The following MGMT variants were observed in gnomAD, a reference collection of about 807,000 sequenced individuals.
MGMT encodes the protein methylated-DNA--protein-cysteine methyltransferase.
MGMT carries 14 observed loss-of-function variants against 15.9 expected under a neutral mutation model. The observed-to-expected ratio is 0.88, with a 90% confidence interval of 0.58 to 1.37. The LOEUF is 1.37. Ranked by LOEUF, MGMT falls within the 40% of genes most tolerant of loss-of-function variation. The pLI, the probability that MGMT is intolerant of heterozygous loss-of-function variation, is 0.00. For missense variants in MGMT, 282 were observed against 268.1 expected, an observed-to-expected ratio of 1.05 and a Z score of -0.36; for synonymous variants, 130 against 118.2, an observed-to-expected ratio of 1.10 and a Z score of -0.65.
At chr10:129,563,066 C>T (rs1302529423) in intron 2 of MGMT, among the ~76,000 whole-genome samples, 1 of 152,166 alleles carries the variant, frequency 6.6e-6, no homozygotes, top group Non-Finnish European at 1.5e-5. Flanking sequence ...ACTGATGCTG[C>T]CCAACTGTAG....
intron 2 of MGMT, among the ~76,000 whole-genome samples, chr10:129,682,050 C>T (rs1847858864): frequency 6.6e-6 from 1 of 152,086 alleles, no homozygotes; most frequent in African/African-American, 2.4e-5. Context: ...ACGCAGAGAC[C>T]ACACACTCCT....
chr10:129,541,809 G>A (rs1027805222), intron 2 of MGMT, among the ~76,000 whole-genome samples: 1 of 152,176 alleles, frequency 6.6e-6, no homozygotes, highest in Non-Finnish European at 1.5e-5. Context: ...GTCTTCTACT[G>A]CAGAGGCTCT....
chr10:129,759,357 G>T lies in MGMT; in HGVS notation c.414+16G>T. ...AGGCAATCCTGTGAGTTCTCATGGC[G>T]CAAGCATGGCTGTGGGTGGCGGGTG... On this transcript the variant is annotated intron_variant, in intron 4 of 4. Coordinates refer to ENST00000651593, the MANE Select transcript of MGMT (RefSeq NM_002412.5). 1 of 1,613,998 alleles carries T rather than the reference G, an allele frequency of 6.2e-7. No individual in the cohort carries two copies. The highest frequency in any genetic ancestry group is 1.1e-5 in the South Asian group (1 of 91,064).
intron 3 of MGMT, among the ~76,000 whole-genome samples, chr10:129,709,593 C>T (rs566847445): frequency 1.3e-5 from 2 of 152,192 alleles, no homozygotes; most frequent in South Asian, 4.1e-4. Flanking sequence ...GGTCTCAGGA[C>T]AGAAAAGTTC....
intron 2 of MGMT, among the ~76,000 whole-genome samples, chr10:129,704,534 C>T (rs1453005388): frequency 6.6e-6 from 1 of 152,086 alleles, no homozygotes; most frequent in Non-Finnish European, 1.5e-5. Flanking sequence ...TCTGTCTGGC[C>T]GCAGTGTCCA....
Position 129,521,149 on chromosome 10 carries a change from T to C in MGMT, c.-12-15092T>C, listed in dbSNP as rs561967758. 5.9e-5 allele frequency among the ~76,000 whole-genome samples: 9 copies of C among 152,288 alleles called. No individual in the cohort carries two copies. The East Asian group carries it at 1.7e-3, about 29-fold the overall frequency. On this transcript the variant is annotated intron_variant, in intron 1 of 4. Transcript: ENST00000651593. Reference sequence around the variant, plus strand: ...CTCAGGTGGGGATGGAGAGCTGGTGTCTGGGCCTCTCAGAGCTCAGGCCCC... The same window carrying C: ...CTCAGGTGGGGATGGAGAGCTGGTGCCTGGGCCTCTCAGAGCTCAGGCCCC...
intron 2 of MGMT, among the ~76,000 whole-genome samples, chr10:129,629,793 A>G (rs1465083231): frequency 3.9e-5 from 6 of 152,208 alleles, no homozygotes; most frequent in African/African-American, 1.4e-4. Flanking sequence ...GATGGGACAT[A>G]GGGAAGGTAT....
chr10:129,719,176 C>T (rs1044683211), intron 3 of MGMT, among the ~76,000 whole-genome samples: 1 of 151,994 alleles, frequency 6.6e-6, no homozygotes, highest in African/African-American at 2.4e-5. Flanking sequence ...GGCGTGTCAC[C>T]TTCTGCTCAG....
intron 2 of MGMT, 175 bp downstream of exon 2, chr10:129,536,552 G>C: frequency 1.4e-6 from 1 of 732,388 alleles, no homozygotes; most frequent in Non-Finnish European, 2.1e-6. Flanking sequence ...TGCATTTGCA[G>C]CTTCCCTGTG....
chr10:129,623,151 C>T (rs1359693190), intron 2 of MGMT, among the ~76,000 whole-genome samples: 1 of 151,998 alleles, frequency 6.6e-6, no homozygotes, highest in Non-Finnish European at 1.5e-5. Flanking sequence ...TAGTGCCTTG[C>T]AGATATAAGC....
intron 2 of MGMT, among the ~76,000 whole-genome samples, chr10:129,667,083 A>G (rs1267942673): frequency 6.6e-6 from 1 of 152,182 alleles, no homozygotes; most frequent in East Asian, 1.9e-4. Context: ...GTTTCTAACC[A>G]TTTTTGTTAT....
chr10:129,623,309 G>T (rs1044148359), intron 2 of MGMT, among the ~76,000 whole-genome samples: 5 of 152,152 alleles, frequency 3.3e-5, no homozygotes, highest in Non-Finnish European at 5.9e-5. Context: ...CTGAGCAGCA[G>T]TTCAGCGGGG....
chr10:129,623,586 G>A (rs935358559), intron 2 of MGMT, among the ~76,000 whole-genome samples: 2 of 152,130 alleles, frequency 1.3e-5, no homozygotes, highest in Admixed American at 1.3e-4. Context: ...GTTTTGCCCA[G>A]GATGGAGTAC....
In MGMT at chr10:129,586,276, C is replaced by T. The variant is rs115182161; in HGVS notation, c.125+49899C>T. On this transcript the variant is annotated intron_variant, in intron 2 of 4. Transcript: ENST00000651593. Reference sequence around the variant, plus strand: ...AAATTTGCCTATGGATGACCCCAATCAAAATAACAAATATTCTCATCACCC... The same window carrying T: ...AAATTTGCCTATGGATGACCCCAATTAAAATAACAAATATTCTCATCACCC... Among the ~76,000 whole-genome samples, 709 of 152,238 alleles carry T rather than the reference C, an allele frequency of 4.7e-3. 5 individuals carry two copies. Among genetic ancestry groups the T allele is most frequent in the African/African-American group, 0.016 (672 of 41,546 alleles).
intron 2 of MGMT, among the ~76,000 whole-genome samples, chr10:129,622,655 CTTTGT>C (rs541996485): frequency 7.4e-4 from 112 of 152,254 alleles, no homozygotes; most frequent in Non-Finnish European, 7.9e-4. Flanking sequence ...GGCTTTCTTT[CTTTGT>C]TTTATGTTTT....
At chr10:129,605,628 T>C (rs1242997134) in intron 2 of MGMT, among the ~76,000 whole-genome samples, 1 of 152,212 alleles carries the variant, frequency 6.6e-6, no homozygotes, top group Non-Finnish European at 1.5e-5. Context: ...TTTTTCCACT[T>C]TATTGTCCTC....
chr10:129,540,716 T>C (rs1279774496), intron 2 of MGMT, among the ~76,000 whole-genome samples: 1 of 152,254 alleles, frequency 6.6e-6, no homozygotes, highest in Non-Finnish European at 1.5e-5. Context: ...TTTGGAAGCA[T>C]TCCCTCTTCT....
At chr10:129,691,559 C>CATGGAGGAGG (rs1328162264) in intron 2 of MGMT, among the ~76,000 whole-genome samples, 2 of 152,188 alleles carry the variant, frequency 1.3e-5, no homozygotes, top group African/African-American at 2.4e-5. Flanking sequence ...CAAATAACAT[C>CATGGAGGAGG]ATGGAGGAGG....
intron 2 of MGMT, among the ~76,000 whole-genome samples, chr10:129,604,289 A>G (rs1846860717): frequency 6.6e-6 from 1 of 152,194 alleles, no homozygotes; most frequent in African/African-American, 2.4e-5. Context: ...TACATTTCCC[A>G]AAGCACCAGA....
Sources: allele counts gnomAD v4.1 joint callset (sites outside exome capture counted in the v4.1 genomes callset), GRCh38; gene constraint gnomAD v4.1.1; transcripts MANE v1.5; gene names NCBI Gene and HGNC (gene_info 2026-07-23, HGNC 2026-07-21).